Variants in PARD3B observed in about 807,000 individuals in gnomAD.
PARD3B encodes the protein partitioning defective 3 homolog B.
A neutral mutation model predicts 130.2 loss-of-function variants in PARD3B; 103 were observed. The observed-to-expected ratio is 0.79, with a 90% CI of 0.67 to 0.93. PARD3B has a LOEUF of 0.93. PARD3B is among the 40% of genes least tolerant of loss of function. PARD3B has a pLI of 0.00. For synonymous variants in PARD3B, 583 were observed against 553.2 expected (o/e 1.05, Z -0.76); for missense variants, 1,609 against 1,499.2 (o/e 1.07, Z -1.21).
At chr2:204,551,682 G>A (rs1329989806) in intron 1 of PARD3B, among the ~76,000 whole-genome samples, 3 of 152,182 alleles carry the variant, frequency 2.0e-5, no homozygotes, top group African/African-American at 7.2e-5. Flanking sequence ...GCGATTGGGA[G>A]CCACAGCCCT....
intron 10 of PARD3B, among the ~76,000 whole-genome samples, chr2:205,141,931 G>T (rs757459570): frequency 2.0e-5 from 3 of 152,164 alleles, no homozygotes; most frequent in Non-Finnish European, 4.4e-5. Context: ...AGAAATAACT[G>T]CAGGAGCACT....
intron 15 of PARD3B, among the ~76,000 whole-genome samples, chr2:205,198,199 C>A (rs1224180281): frequency 2.0e-5 from 3 of 152,154 alleles, no homozygotes; most frequent in Non-Finnish European, 4.4e-5. Flanking sequence ...ATTGGCCTCC[C>A]ACGCCCATTT....
At position 205,405,057 on chromosome 2, in the gene PARD3B, T is replaced by C. The variant is rs75629442; in HGVS notation, c.2741+3934T>C. ...TTAAGTTATCTACATATCTAATTCC[T>C]GATCCGAAACCATTTTGCTGCTATA... is the stretch of plus-strand genomic sequence containing the variant. On this transcript the variant is annotated intron_variant, in intron 19 of 22. Coordinates refer to ENST00000406610, the MANE Select transcript of PARD3B (RefSeq NM_001302769.2). The surrounding 1 kb of genome is among the most constrained non-coding windows in gnomAD (Gnocchi z 4.1). 0.014 allele frequency among the ~76,000 whole-genome samples: 2,148 copies of C among 152,338 alleles called. 28 individuals carry two copies. The highest frequency in any genetic ancestry group is 0.02 in the Non-Finnish European group (1,360 of 68,022).
chr2:204,647,323 T>C (rs530168766), intron 1 of PARD3B, among the ~76,000 whole-genome samples: 10 of 152,046 alleles, frequency 6.6e-5, no homozygotes, highest in Admixed American at 5.9e-4. Context: ...GCATTCCTTA[T>C]ATTCTGCATA....
intron 4 of PARD3B, among the ~76,000 whole-genome samples, chr2:205,054,658 G>A (rs990427679): frequency 6.6e-6 from 1 of 150,566 alleles, no homozygotes; most frequent in Non-Finnish European, 1.5e-5. Flanking sequence ...GCCTTGATCT[G>A]CACACAATGA....
chr2:205,035,592 C>T (rs1697761681), intron 3 of PARD3B, among the ~76,000 whole-genome samples: 1 of 151,768 alleles, frequency 6.6e-6, no homozygotes, highest in African/African-American at 2.4e-5. Flanking sequence ...ATCATTACTT[C>T]ACCTGGCCCT....
intron 20 of PARD3B, among the ~76,000 whole-genome samples, chr2:205,486,438 G>GC (rs374916631): frequency 8.5e-4 from 130 of 152,268 alleles, no homozygotes; most frequent in African/African-American, 3.0e-3. Context: ...GATGCAATCT[G>GC]CATCAGTCCA....
At chr2:205,150,330 G>A (rs2033670427) in intron 10 of PARD3B, among the ~76,000 whole-genome samples, 1 of 151,510 alleles carries the variant, frequency 6.6e-6, no homozygotes, top group African/African-American at 2.4e-5. Flanking sequence ...AGGTCTAGAT[G>A]TGCCACTGCT....
intron 16 of PARD3B, among the ~76,000 whole-genome samples, chr2:205,294,391 A>G (rs572879421): frequency 8.3e-4 from 127 of 152,284 alleles, no homozygotes; most frequent in South Asian, 1.9e-3. Context: ...TGAATTCACT[A>G]TTTGTTACAT....
chr2:204,871,496 GA>G (rs370050464), intron 2 of PARD3B, among the ~76,000 whole-genome samples: 2,146 of 152,082 alleles, frequency 0.014, 51 homozygotes, highest in African/African-American at 0.049. Context: ...TCAATGGGGG[GA>G]AAAAAGTTCA....
chr2:204,775,989 T>C (rs565364200), intron 2 of PARD3B, among the ~76,000 whole-genome samples: 1 of 152,342 alleles, frequency 6.6e-6, no homozygotes, highest in East Asian at 1.9e-4. Flanking sequence ...TTAACTCTTC[T>C]AAGAGAAATT....
chr2:204,758,921 AT>A (rs1326534358), intron 2 of PARD3B, among the ~76,000 whole-genome samples: 1 of 152,172 alleles, frequency 6.6e-6, no homozygotes, highest in Non-Finnish European at 1.5e-5. Context: ...GATATATCTG[AT>A]TTGAGTTCCT....
intron 16 of PARD3B, among the ~76,000 whole-genome samples, chr2:205,254,245 T>C (rs6752823): frequency 0.061 from 9,238 of 152,006 alleles, 417 homozygotes; most frequent in East Asian, 0.21. Context: ...ATTCTAGCAA[T>C]GTTTTAAATC....
chr2:204,877,043 C>T (rs1032121632), intron 2 of PARD3B, among the ~76,000 whole-genome samples: 3 of 152,128 alleles, frequency 2.0e-5, no homozygotes, highest in African/African-American at 7.2e-5. Flanking sequence ...CACATATGCA[C>T]CATGGAATAC....
Position 204,945,602 on chromosome 2 carries a change from G to A in PARD3B, c.223-19550G>A, listed in dbSNP as rs111494628. Among the ~76,000 whole-genome samples, 9 of 152,254 alleles carry A rather than the reference G, an allele frequency of 5.9e-5. No individual in the cohort carries two copies. The South Asian group carries it at 1.0e-3, about 18-fold the overall frequency. On this transcript the variant is annotated intron_variant, in intron 2 of 22. Coordinates refer to ENST00000406610, the MANE Select transcript of PARD3B (RefSeq NM_001302769.2). Reference sequence around the variant, plus strand: ...GGGCTTAGTGAATGCTTCTGATTGCGCTGCAAGCCTAGTTGAATGTTTTCT... The same window carrying A: ...GGGCTTAGTGAATGCTTCTGATTGCACTGCAAGCCTAGTTGAATGTTTTCT...
At chr2:205,453,518 G>A (rs2048173095) in intron 20 of PARD3B, among the ~76,000 whole-genome samples, 1 of 152,182 alleles carries the variant, frequency 6.6e-6, no homozygotes, top group African/African-American at 2.4e-5. Context: ...ATCCTGTGGA[G>A]TAGGAATCTA....
intron 21 of PARD3B, among the ~76,000 whole-genome samples, chr2:205,522,140 T>C (rs2051095960): frequency 6.6e-6 from 1 of 150,650 alleles, no homozygotes; most frequent in Non-Finnish European, 1.5e-5. Flanking sequence ...TTATTTTTAC[T>C]TCATTATTTT....
At position 205,269,634 on chromosome 2, in the gene PARD3B, T is replaced by C. The variant is rs2040643345; in HGVS notation, c.2185+23812T>C. Among the ~76,000 whole-genome samples, 1 of 152,214 alleles carries C rather than the reference T, an allele frequency of 6.6e-6. No homozygotes were observed. The highest frequency in any genetic ancestry group is 2.1e-4 in the South Asian group (1 of 4,832). ...AAATGCATTACTCTGTGACAAGGCATAATTAGTAATTTCCCACTGAACTGG... is the reference window on the plus strand; with the variant it reads ...AAATGCATTACTCTGTGACAAGGCACAATTAGTAATTTCCCACTGAACTGG... On this transcript the variant is annotated intron_variant, in intron 16 of 22. Coordinates refer to ENST00000406610, the MANE Select transcript of PARD3B (RefSeq NM_001302769.2). This position sits in a 1 kb window ranked among gnomAD's most constrained non-coding sequence, Gnocchi z 4.7.
At chr2:205,379,045 G>A (rs1206368392) in intron 18 of PARD3B, among the ~76,000 whole-genome samples, 1 of 151,848 alleles carries the variant, frequency 6.6e-6, no homozygotes, top group Non-Finnish European at 1.5e-5. Flanking sequence ...TCTTGAATCA[G>A]GAAGCCACGA....
Sources: gnomAD v4.1 joint callset for allele counts (sites outside exome capture counted in the v4.1 genomes callset) on GRCh38, gnomAD v4.1.1 for gene constraint, Gnocchi (gnomAD v3.1) non-coding constraint, MANE v1.5 for transcripts, NCBI Gene and HGNC (gene_info 2026-07-23, HGNC 2026-07-21) for gene names.